KCNIP4: variants seen among roughly 807,000 people sequenced by gnomAD.
The protein encoded by KCNIP4 is potassium voltage-gated channel interacting protein 4.
In KCNIP4, 12 loss-of-function variants were observed where a neutral mutation model predicts 34.0. The observed-to-expected ratio is 0.35, with a 90% CI of 0.23 to 0.57. The LOEUF (loss-of-function observed/expected upper bound fraction) is 0.57, where lower values mean the gene tolerates loss of function less well. KCNIP4 is among the 20% of genes least tolerant of loss of function. KCNIP4 has a pLI of 0.83. For synonymous variants in KCNIP4, 124 were observed against 102.2 expected (o/e 1.21, Z -1.29); for missense variants, 238 against 311.7 (o/e 0.76, Z 1.78).
chr4:20,749,155 C>CTCT (rs751106874), intron 5 of KCNIP4, among the ~76,000 whole-genome samples: 1 of 129,010 alleles, frequency 7.8e-6, no homozygotes, highest in African/African-American at 2.7e-5. Flanking sequence ...GAGACTCTTT[C>CTCT]AAAAAAAAAA....
intron 1 of KCNIP4, among the ~76,000 whole-genome samples, chr4:21,865,038 C>T (rs918713936): frequency 2.6e-5 from 4 of 152,014 alleles, no homozygotes; most frequent in African/African-American, 4.8e-5. Context: ...AGTGATGGAA[C>T]TCCATGCATG....
At chr4:21,648,836 T>G (rs961957820) in intron 1 of KCNIP4, among the ~76,000 whole-genome samples, 2 of 152,166 alleles carry the variant, frequency 1.3e-5, no homozygotes, top group Non-Finnish European at 2.9e-5. Context: ...GCCCCGCACA[T>G]CATAGAAAGT....
chr4:21,771,349 T>C (rs1718774111), intron 1 of KCNIP4, among the ~76,000 whole-genome samples: 1 of 152,184 alleles, frequency 6.6e-6, no homozygotes, highest in African/African-American at 2.4e-5. Flanking sequence ...TGTAGCCTTG[T>C]AGTATAGTTT....
At position 21,335,535 on chromosome 4, in the gene KCNIP4, T is replaced by C. The variant is rs568851630; in HGVS notation, c.62-452826A>G. ...GTTTTGCTCTTAAAATTCTTGCATA[T>C]CACTGTATTTATCTGTCCACATTTT... On this transcript the variant is annotated intron_variant, in intron 1 of 8. Transcript: ENST00000382152. 2.6e-5 allele frequency among the ~76,000 whole-genome samples: 4 copies of C among 152,348 alleles called. No homozygotes were observed. The South Asian group carries it at 6.2e-4, about 24-fold the overall frequency.
At chr4:21,159,005 TTAG>T (rs749483130) in intron 1 of KCNIP4, among the ~76,000 whole-genome samples, 4 of 152,140 alleles carry the variant, frequency 2.6e-5, no homozygotes, top group Non-Finnish European at 4.4e-5. Flanking sequence ...AATTGATAAC[TTAG>T]TAAAGTTATC....
At chr4:21,253,254 C>CT (rs1414674577) in intron 1 of KCNIP4, among the ~76,000 whole-genome samples, 2 of 152,168 alleles carry the variant, frequency 1.3e-5, no homozygotes, top group African/African-American at 4.8e-5. Flanking sequence ...TGTGAGGGGT[C>CT]TCTGAGGCTC....
chr4:21,552,928 T>C (rs1010516564), intron 1 of KCNIP4, among the ~76,000 whole-genome samples: 1 of 151,956 alleles, frequency 6.6e-6, no homozygotes, highest in East Asian at 1.9e-4. Flanking sequence ...ATTCCAAAGG[T>C]TGTTTTAGAA....
intron 2 of KCNIP4, among the ~76,000 whole-genome samples, chr4:20,874,779 G>C (rs1241487913): frequency 6.6e-6 from 1 of 150,682 alleles, no homozygotes; most frequent in Admixed American, 6.6e-5. Flanking sequence ...TCAAAAGAAA[G>C]AATTTTAAAA....
At position 20,767,827 on chromosome 4, in the gene KCNIP4, A is replaced by G. The variant is rs548412050; in HGVS notation, c.289-8937T>C. Among the ~76,000 whole-genome samples, 44 of 150,978 alleles carry G rather than the reference A, an allele frequency of 2.9e-4. 2 individuals carry two copies. The South Asian group carries it at 1.0e-2, about 34-fold the overall frequency. ...GAATTACAGTAAGACATTTCATAGG[A>G]AAAAAAAACTAAAAGTGCTTGTGAA... On this transcript the variant is annotated intron_variant, in intron 3 of 8. Coordinates refer to ENST00000382152, the MANE Select transcript of KCNIP4 (RefSeq NM_025221.6).
chr4:21,537,832 T>A (rs753093911), intron 1 of KCNIP4, among the ~76,000 whole-genome samples: 50 of 151,722 alleles, frequency 3.3e-4, no homozygotes, highest in Non-Finnish European at 1.3e-4. Flanking sequence ...GTCAACATGA[T>A]GAAACCCCAT....
At chr4:20,857,405 G>A (rs1721715786) in intron 2 of KCNIP4, among the ~76,000 whole-genome samples, 2 of 152,134 alleles carry the variant, frequency 1.3e-5, no homozygotes, top group South Asian at 4.1e-4. Flanking sequence ...TTGTATGCCA[G>A]GAGATGGGCA....
chr4:21,640,273 G>A (rs1012920526), intron 1 of KCNIP4, among the ~76,000 whole-genome samples: 7 of 152,148 alleles, frequency 4.6e-5, no homozygotes, highest in African/African-American at 1.7e-4. Flanking sequence ...TGCCACCCCA[G>A]GATTCAATTA....
intron 1 of KCNIP4, chr4:21,315,216 C>T (rs80320069): frequency 0.012 from 1,774 of 153,596 alleles, 27 homozygotes; most frequent in South Asian, 0.047. Flanking sequence ...TATACACAGA[C>T]TTCTATCTCT....
chr4:21,837,556 A>AAAAG (rs1168376728), intron 1 of KCNIP4, among the ~76,000 whole-genome samples: 126 of 150,568 alleles, frequency 8.4e-4, no homozygotes, highest in Non-Finnish European at 1.6e-3. Flanking sequence ...AAGAAAAAGA[A>AAAAG]AAAGAAAGAA....
At chr4:21,783,858 C>T (rs991062453) in intron 1 of KCNIP4, among the ~76,000 whole-genome samples, 7 of 150,256 alleles carry the variant, frequency 4.7e-5, no homozygotes, top group African/African-American at 1.8e-4. Context: ...CACATATCAA[C>T]GGATAAGGTA....
chr4:20,989,065 AC>A (rs1403560955), intron 1 of KCNIP4, among the ~76,000 whole-genome samples: 1 of 152,024 alleles, frequency 6.6e-6, no homozygotes, highest in African/African-American at 2.4e-5. Flanking sequence ...ACAATTTATC[AC>A]CCTTTGTTAG....
At chr4:20,890,190 G>A (rs990602884) in intron 1 of KCNIP4, among the ~76,000 whole-genome samples, 5 of 152,190 alleles carry the variant, frequency 3.3e-5, no homozygotes, top group African/African-American at 4.8e-5. Context: ...ATAATGCACC[G>A]AATGAGCCAG....
At chr4:21,191,490 AT>A (rs1755644277) in intron 1 of KCNIP4, among the ~76,000 whole-genome samples, 1 of 152,188 alleles carries the variant, frequency 6.6e-6, no homozygotes, top group Non-Finnish European at 1.5e-5. Flanking sequence ...CTGTATAATC[AT>A]CAGAGCCCTT....
At chr4:21,190,208 C>G (rs1755523841) in intron 1 of KCNIP4, among the ~76,000 whole-genome samples, 1 of 152,154 alleles carries the variant, frequency 6.6e-6, no homozygotes. Context: ...TAAGTATAAT[C>G]TACTAAACAA....
Sources: allele counts gnomAD v4.1 joint callset (sites outside exome capture counted in the v4.1 genomes callset), GRCh38; gene constraint gnomAD v4.1.1; transcripts MANE v1.5; gene names NCBI Gene and HGNC (gene_info 2026-07-23, HGNC 2026-07-21).